Variants in PAPPA2 observed in about 807,000 individuals in gnomAD.
PAPPA2 encodes pappalysin 2.
Under a neutral mutation model 176.4 loss-of-function variants are expected in PAPPA2, and 86 were observed. That is an observed-to-expected ratio of 0.49 (90% confidence interval 0.41 to 0.58). The LOEUF (loss-of-function observed/expected upper bound fraction) is 0.58. PAPPA2 is among the 20% of genes least tolerant of loss of function. The pLI is 0.00. For synonymous variants in PAPPA2, 809 were observed against 852.2 expected (o/e 0.95, Z 0.88); for missense variants, 2,073 against 2,256.9 (o/e 0.92, Z 1.65).
chr1:176,539,122 T>C (rs1650233328), intron 1 of PAPPA2, among the ~76,000 whole-genome samples: 1 of 152,212 alleles, frequency 6.6e-6, no homozygotes, highest in African/African-American at 2.4e-5. Context: ...CACCAAACCC[T>C]TTCATCCAGT....
At chr1:176,532,377 G>A (rs760552295) in intron 1 of PAPPA2, among the ~76,000 whole-genome samples, 12 of 152,312 alleles carry the variant, frequency 7.9e-5, no homozygotes, top group South Asian at 4.1e-4. Context: ...GCAGCTCTGC[G>A]AAGGTGACTG....
At chr1:176,831,386 G>C (rs1379904078) in intron 21 of PAPPA2, among the ~76,000 whole-genome samples, 1 of 152,190 alleles carries the variant, frequency 6.6e-6, no homozygotes, top group Admixed American at 6.5e-5. Flanking sequence ...CAGAAGTGCT[G>C]TTGTTTTCAG....
chr1:176,739,950 A>G, intron 13 of PAPPA2, 30 bp from the exon 14 acceptor site: 3 of 1,609,412 alleles, frequency 1.9e-6, no homozygotes, highest in Non-Finnish European at 2.6e-6. Flanking sequence ...ACAATGGCTG[A>G]AAATATGATT....
rs1010283901 is a variant in PAPPA2 at position 176,699,602 on chromosome 1, G to T, written c.3236+13G>T. 8.2e-6 allele frequency: 13 copies of T among 1,589,140 alleles called. No homozygotes were observed. The highest frequency in any genetic ancestry group is 1.0e-5 in the Non-Finnish European group (12 of 1,163,672). On this transcript the variant is annotated intron_variant, in intron 8 of 22. Coordinates refer to ENST00000367662, the MANE Select transcript of PAPPA2 (RefSeq NM_020318.3). The stretch of plus-strand genomic sequence containing the variant: ...AGTTCACGGACGTGTGAGTTTGGTA[G>T]CATGACTATGGGGCTTCCTGAGGCT...
Position 176,595,441 on chromosome 1 carries a change from C to G in PAPPA2, c.1837C>G (p.Arg613Gly). 6.2e-7 allele frequency: 1 copy of G among 1,614,152 alleles called. No homozygotes were observed. Residue 613 changes from arginine to glycine, a missense_variant, in exon 3 of 23, where the codon CGC (arginine) becomes GGC (glycine). Physicochemically the swap from Arg to Gly is moderately radical, Grantham distance 125. This residue lies in a region of PAPPA2 where 1,196 missense variants were observed against 1,330.4 expected (regional missense o/e 0.90). Transcript: ENST00000367662. ...PLTGYDGGDC[R>G]LQGRCYSWNR... ...CACAGGCTATGATGGGGGTGACTGC[C>G]GCCTGCAGGGCCGCTGCTACTCCTG...
At chr1:176,779,599 A>G (rs1421580042) in intron 17 of PAPPA2, among the ~76,000 whole-genome samples, 2 of 151,610 alleles carry the variant, frequency 1.3e-5, no homozygotes, top group Admixed American at 6.6e-5. Context: ...TCTGCTGCTT[A>G]TTGATCATGG....
At chr1:176,609,566 C>T (rs187936597) in intron 3 of PAPPA2, among the ~76,000 whole-genome samples, 100 of 152,262 alleles carry the variant, frequency 6.6e-4, no homozygotes, top group Middle Eastern at 3.4e-3. Context: ...GAGTGAGCCA[C>T]GTGGAATCTA....
chr1:176,706,760 T>C (rs1356139276), intron 10 of PAPPA2, among the ~76,000 whole-genome samples: 1 of 152,224 alleles, frequency 6.6e-6, no homozygotes, highest in Non-Finnish European at 1.5e-5. Context: ...TAGGTTATAC[T>C]GCTTCCTAGC....
intron 12 of PAPPA2, among the ~76,000 whole-genome samples, chr1:176,717,549 G>A (rs978351541): frequency 3.9e-5 from 6 of 152,182 alleles, no homozygotes; most frequent in Admixed American, 6.5e-5. Flanking sequence ...TGAGAGTAGC[G>A]GTACCTCTGC....
At chr1:176,559,315 G>T (rs755974203) in intron 2 of PAPPA2, among the ~76,000 whole-genome samples, 3 of 152,216 alleles carry the variant, frequency 2.0e-5, no homozygotes, top group Non-Finnish European at 4.4e-5. Flanking sequence ...ACACCAGAAA[G>T]GTTGAGGGCA....
Position 176,692,039 on chromosome 1 carries a change from A to G in PAPPA2, c.2432-87A>G, listed in dbSNP as rs185088080. The G allele has an allele frequency of 6.8e-6, 9 of 1,317,658 alleles. No individual in the cohort carries two copies. The African/African-American group carries it at 1.0e-4, about 15-fold the overall frequency. The allele number at this position is 1,317,658 out of a possible 1,614,324, so 81.6% of individuals were successfully genotyped here. ...TTGAGCCTAATAAGTTAACTCAGCC[A>G]TGAACAAGACACAAATTTATCCCTG... On this transcript the variant is annotated intron_variant, in intron 5 of 22. Transcript: ENST00000367662.
chr1:176,527,725 T>G (rs1025302010), intron 1 of PAPPA2, among the ~76,000 whole-genome samples: 10 of 152,154 alleles, frequency 6.6e-5, no homozygotes, highest in African/African-American at 2.4e-4. Context: ...TGATGACTGT[T>G]TTAGAGCCAA....
At chr1:176,837,465 T>A (rs1193658054) in intron 21 of PAPPA2, among the ~76,000 whole-genome samples, 1 of 135,974 alleles carries the variant, frequency 7.4e-6, no homozygotes, top group South Asian at 2.3e-4. Flanking sequence ...GGGTTCTATA[T>A]GTTGTTAAAA....
At chr1:176,658,650 A>C (rs1658157894) in intron 3 of PAPPA2, among the ~76,000 whole-genome samples, 1 of 152,024 alleles carries the variant, frequency 6.6e-6, no homozygotes, top group Admixed American at 6.6e-5. Context: ...GAAGGAGGAT[A>C]GCATGAGCAA....
chr1:176,563,402 C>G (rs1283485768), intron 2 of PAPPA2, among the ~76,000 whole-genome samples: 1 of 152,136 alleles, frequency 6.6e-6, no homozygotes, highest in African/African-American at 2.4e-5. Flanking sequence ...AGTTTAAACC[C>G]CAGAACTCTA....
At chr1:176,675,092 G>A (rs1659222585) in intron 4 of PAPPA2, among the ~76,000 whole-genome samples, 1 of 152,034 alleles carries the variant, frequency 6.6e-6, no homozygotes, top group Non-Finnish European at 1.5e-5. Context: ...CTAAGCCAAT[G>A]TCTAGAGTTT....
intron 4 of PAPPA2, among the ~76,000 whole-genome samples, chr1:176,676,226 G>A (rs1267257266): frequency 1.3e-5 from 2 of 151,930 alleles, no homozygotes; most frequent in Non-Finnish European, 2.9e-5. Flanking sequence ...TGGACTCCTG[G>A]TCATTAATCC....
intron 3 of PAPPA2, chr1:176,616,438 C>A: frequency 1.5e-6 from 1 of 654,476 alleles, no homozygotes; most frequent in Non-Finnish European, 2.8e-6. Flanking sequence ...TCAACTGATG[C>A]TAGGGCAACA....
intron 21 of PAPPA2, among the ~76,000 whole-genome samples, chr1:176,822,038 A>G (rs973384011): frequency 1.3e-5 from 2 of 152,176 alleles, no homozygotes; most frequent in Admixed American, 1.3e-4. Context: ...TAAAATCACA[A>G]GCTCCCTGCC....
Sources: gnomAD v4.1 joint callset for allele counts (sites outside exome capture counted in the v4.1 genomes callset) on GRCh38, gnomAD v4.1.1 for gene constraint, gnomAD v4.1.1 regional missense constraint, MANE v1.5 for transcripts, NCBI Gene and HGNC (gene_info 2026-07-23, HGNC 2026-07-21) for gene names.